The following EPHA6 variants were observed in gnomAD, a reference collection of about 807,000 sequenced individuals.
EPHA6 encodes the protein EPH receptor A6, also known as ephrin type-A receptor 6.
EPHA6 carries 50 observed loss-of-function variants against 112.0 expected under a neutral mutation model. The ratio of observed to expected loss-of-function variants is 0.45; its 90% CI spans 0.36 to 0.56. EPHA6 has a LOEUF of 0.56. Among genes scored for constraint, EPHA6 ranks in the 20% least tolerant of loss-of-function variants. The pLI is 0.00. For synonymous variants in EPHA6, 529 were observed against 490.7 expected, an observed-to-expected ratio of 1.08 and a Z score of -1.03; for missense variants, 1,280 against 1,417.4, an observed-to-expected ratio of 0.90 and a Z score of 1.56.
chr3:97,324,386 G>T (rs556087645), intron 5 of EPHA6, among the ~76,000 whole-genome samples: 2 of 137,994 alleles, frequency 1.4e-5, no homozygotes, highest in South Asian at 2.2e-4. Context: ...CAGATTCTAA[G>T]ATTTCTTTGC....
At chr3:97,352,119 C>T (rs1057298967) in intron 5 of EPHA6, among the ~76,000 whole-genome samples, 1 of 151,298 alleles carries the variant, frequency 6.6e-6, no homozygotes, top group Non-Finnish European at 1.5e-5. Flanking sequence ...TAAAAGTAGA[C>T]CAGTAGATAT....
intron 3 of EPHA6, among the ~76,000 whole-genome samples, chr3:97,080,364 A>T (rs1367534587): frequency 6.6e-6 from 1 of 152,106 alleles, no homozygotes; most frequent in Non-Finnish European, 1.5e-5. Flanking sequence ...CTTTGTAATG[A>T]AACTATTTTC....
intron 11 of EPHA6, among the ~76,000 whole-genome samples, chr3:97,556,486 A>C (rs1403123816): frequency 6.6e-6 from 1 of 152,004 alleles, no homozygotes. Flanking sequence ...CAGCAAGGAG[A>C]AGTGCAGAGT....
At chr3:96,831,653 T>G (rs2034089013) in intron 1 of EPHA6, among the ~76,000 whole-genome samples, 2 of 152,210 alleles carry the variant, frequency 1.3e-5, no homozygotes, top group Non-Finnish European at 2.9e-5. Flanking sequence ...ATATTCATTT[T>G]TAATAGGCAT....
intron 7 of EPHA6, among the ~76,000 whole-genome samples, chr3:97,467,909 G>A (rs962514273): frequency 6.6e-6 from 1 of 151,530 alleles, no homozygotes; most frequent in Non-Finnish European, 1.5e-5. Flanking sequence ...ATTATGCTGC[G>A]CTATTTGCCT....
At chr3:97,394,064 C>A (rs991833650) in intron 5 of EPHA6, among the ~76,000 whole-genome samples, 4 of 151,622 alleles carry the variant, frequency 2.6e-5, no homozygotes, top group African/African-American at 2.4e-5. Flanking sequence ...ATATGAATTT[C>A]ATTTCCTTTG....
chr3:97,545,637 G>C (rs1051497049), intron 11 of EPHA6, among the ~76,000 whole-genome samples: 5 of 152,032 alleles, frequency 3.3e-5, no homozygotes, highest in African/African-American at 9.7e-5. Context: ...TTTCTGTCTC[G>C]TTTATCTGTC....
chr3:97,396,727 A>T (rs1442681847), intron 5 of EPHA6, among the ~76,000 whole-genome samples: 1 of 151,800 alleles, frequency 6.6e-6, no homozygotes, highest in Non-Finnish European at 1.5e-5. Flanking sequence ...TATCTTTAAA[A>T]TAAAGACAGT....
chr3:97,025,302 GGAGA>G (rs550862125), intron 3 of EPHA6, among the ~76,000 whole-genome samples: 1 of 151,692 alleles, frequency 6.6e-6, no homozygotes, highest in Non-Finnish European at 1.5e-5. Flanking sequence ...GAAGAGAAAG[GGAGA>G]GAGAGAGAGA....
rs115065583 is a variant in EPHA6 at position 96,815,030 on chromosome 3, C to T, written c.385+22C>T. On this transcript the variant is annotated intron_variant, in intron 1 of 17. Transcript: ENST00000389672. ...CAAGGTAAGGGACGGGGCGGAGGAG[C>T]GGGAGTGGGTGGGAGGAGGAGGGTG... is the stretch of plus-strand genomic sequence containing the variant. 4.3e-3 allele frequency: 6,349 copies of T among 1,480,896 alleles called. 254 individuals are homozygous for T. The African/African-American group carries it at 0.08, about 19-fold the overall frequency. 91.7% of individuals were successfully genotyped at this position (1,480,896 alleles called of 1,614,324 possible).
At chr3:97,207,813 T>C (rs1323874004) in intron 3 of EPHA6, among the ~76,000 whole-genome samples, 1 of 152,174 alleles carries the variant, frequency 6.6e-6, no homozygotes, top group East Asian at 1.9e-4. Flanking sequence ...GTTCATGAAA[T>C]GCTAGAACTG....
intron 10 of EPHA6, among the ~76,000 whole-genome samples, chr3:97,498,326 A>G (rs1471346945): frequency 6.8e-6 from 1 of 146,784 alleles, no homozygotes; most frequent in Non-Finnish European, 1.5e-5. Flanking sequence ...CCAAAAGAAA[A>G]TAGCAAAAAA....
intron 5 of EPHA6, among the ~76,000 whole-genome samples, chr3:97,394,235 T>C (rs1394674490): frequency 6.6e-6 from 1 of 151,802 alleles, no homozygotes; most frequent in African/African-American, 2.4e-5. Flanking sequence ...AGAATGAAAC[T>C]AGATCCCTGT....
intron 5 of EPHA6, among the ~76,000 whole-genome samples, chr3:97,378,616 G>T (rs567389829): frequency 1.3e-5 from 2 of 152,278 alleles, no homozygotes; most frequent in Admixed American, 6.5e-5. Flanking sequence ...GAGCAGAGCT[G>T]CCCAAGACCA....
intron 4 of EPHA6, among the ~76,000 whole-genome samples, chr3:97,233,919 A>G (rs1351740945): frequency 6.6e-6 from 1 of 152,180 alleles, no homozygotes; most frequent in African/African-American, 2.4e-5. Flanking sequence ...TATAGGAGGC[A>G]ATCATATAAA....
intron 12 of EPHA6, among the ~76,000 whole-genome samples, chr3:97,603,651 G>T (rs1241308477): frequency 1.3e-5 from 2 of 151,898 alleles, no homozygotes; most frequent in Non-Finnish European, 2.9e-5. Flanking sequence ...TGTAAACAGA[G>T]TGCAGAAGAT....
rs1576198659 is a variant in EPHA6 at position 97,648,700 on chromosome 3, G to T, written c.2784+10618G>T. 1.1e-5 allele frequency: 11 copies of T among 971,578 alleles called. No homozygotes were observed. In the South Asian group the frequency reaches 4.9e-4, roughly 43 times the overall value. The allele number at this position is 971,578 out of a possible 1,614,324, so 60.2% of individuals were successfully genotyped here. Reference sequence around the variant, plus strand: ...CTTTGTCTCTTAAATTAAAGAGTTGGTGTAAAAAGTTTGCAGCGAGAAAAA... The same window carrying T: ...CTTTGTCTCTTAAATTAAAGAGTTGTTGTAAAAAGTTTGCAGCGAGAAAAA... On this transcript the variant is annotated intron_variant, in intron 14 of 17. Coordinates refer to ENST00000389672, the MANE Select transcript of EPHA6 (RefSeq NM_001080448.3).
intron 11 of EPHA6, among the ~76,000 whole-genome samples, chr3:97,588,582 G>A (rs2093513563): frequency 1.3e-5 from 2 of 152,106 alleles, no homozygotes; most frequent in South Asian, 4.1e-4. Context: ...ATATGTATGT[G>A]GGGGAATCTG....
At chr3:97,012,448 A>G (rs1013520376) in intron 3 of EPHA6, among the ~76,000 whole-genome samples, 1 of 150,900 alleles carries the variant, frequency 6.6e-6, no homozygotes, top group Non-Finnish European at 1.5e-5. Flanking sequence ...CTCAGCCTCC[A>G]TGGTAGCTGG....
Sources: gnomAD v4.1 joint callset for allele counts (sites outside exome capture counted in the v4.1 genomes callset) on GRCh38, gnomAD v4.1.1 for gene constraint, MANE v1.5 for transcripts, NCBI Gene and HGNC (gene_info 2026-07-23, HGNC 2026-07-21) for gene names.